Variants in CACNB2 observed in about 807,000 individuals in gnomAD.
CACNB2 encodes voltage-dependent L-type calcium channel subunit beta-2.
A neutral mutation model predicts 73.3 loss-of-function variants in CACNB2; 42 were observed. That is an observed-to-expected ratio of 0.57 (90% CI 0.45 to 0.74). The LOEUF (loss-of-function observed/expected upper bound fraction) is 0.74, where lower values mean the gene tolerates loss of function less well. CACNB2 is among the 30% of genes least tolerant of loss of function. CACNB2 has a pLI of 0.00. For missense variants in CACNB2, 940 were observed against 853.0 expected, an observed-to-expected ratio of 1.10 and a Z score of -1.27; for synonymous variants, 348 against 310.3, an observed-to-expected ratio of 1.12 and a Z score of -1.28.
chr10:18,381,314 A>G (rs1225282312), intron 2 of CACNB2, among the ~76,000 whole-genome samples: 7 of 151,768 alleles, frequency 4.6e-5, no homozygotes, highest in Admixed American at 6.6e-5. Flanking sequence ...CATTACTGGT[A>G]TATAAATTGG....
chr10:18,467,726 C>T (rs2047972115), intron 3 of CACNB2, among the ~76,000 whole-genome samples: 1 of 152,202 alleles, frequency 6.6e-6, no homozygotes, highest in Admixed American at 6.5e-5. Context: ...TGGGTCCTCC[C>T]TTGGGAACTT....
At chr10:18,344,568 C>T (rs1458251386) in intron 2 of CACNB2, among the ~76,000 whole-genome samples, 1 of 151,998 alleles carries the variant, frequency 6.6e-6, no homozygotes, top group East Asian at 1.9e-4. Context: ...GACGGGGTTT[C>T]ACCATGTTGG....
At chr10:18,262,213 CT>C (rs1404891308) in intron 2 of CACNB2, among the ~76,000 whole-genome samples, 1 of 147,054 alleles carries the variant, frequency 6.8e-6, no homozygotes, top group Non-Finnish European at 1.5e-5. Context: ...AACCCGTGAC[CT>C]TGGAAAATTG....
chr10:18,521,048 G>T lies in CACNB2; in HGVS notation c.944+2080G>T, dbSNP rs117784607. ...GTGCCTGGAGCAGTACTCAACATGA[G>T]CAGTGGCCAGATGAATTTTGAATGA... On this transcript the variant is annotated intron_variant, in intron 9 of 13. Transcript: ENST00000324631. 3.4e-3 allele frequency among the ~76,000 whole-genome samples: 523 copies of T among 152,296 alleles called. 1 individual carries two copies. The highest frequency in any genetic ancestry group is 6.8e-3 in the Middle Eastern group (2 of 294).
intron 3 of CACNB2, among the ~76,000 whole-genome samples, chr10:18,432,450 CTGTGTGTGTGTG>C (rs57188373): frequency 2.0e-5 from 3 of 150,518 alleles, no homozygotes; most frequent in Non-Finnish European, 4.4e-5. Context: ...GTGTGTGTCT[CTGTGTGTGTGTG>C]TGTGTGTGTG....
intron 3 of CACNB2, among the ~76,000 whole-genome samples, chr10:18,485,297 G>A (rs1346810526): frequency 1.3e-5 from 2 of 152,068 alleles, no homozygotes; most frequent in Non-Finnish European, 2.9e-5. Flanking sequence ...AATCAGACAA[G>A]GATAACTAGA....
intron 2 of CACNB2, among the ~76,000 whole-genome samples, chr10:18,250,779 A>G (rs2037057900): frequency 6.6e-6 from 1 of 152,150 alleles, no homozygotes; most frequent in Admixed American, 6.5e-5. Context: ...TTAAGCCCTC[A>G]TCCAGTTATC....
At chr10:18,172,091 A>T (rs1376663359) in intron 2 of CACNB2, among the ~76,000 whole-genome samples, 2 of 152,196 alleles carry the variant, frequency 1.3e-5, no homozygotes, top group Non-Finnish European at 2.9e-5. Flanking sequence ...GGTGGGGCAC[A>T]GTGTCCCAGG....
At chr10:18,225,632 T>C (rs1779209) in intron 2 of CACNB2, among the ~76,000 whole-genome samples, 82,239 of 148,722 alleles carry the variant, frequency 0.55, 25,863 homozygotes, top group Non-Finnish European at 0.71. Context: ...TTCCTTCCTT[T>C]CTTTCTTTTC....
intron 6 of CACNB2, among the ~76,000 whole-genome samples, chr10:18,508,974 C>T (rs2050626529): frequency 6.6e-6 from 1 of 152,118 alleles, no homozygotes; most frequent in Admixed American, 6.6e-5. Flanking sequence ...AGTAAAGTTC[C>T]ATGAAGAGTG....
At chr10:18,444,014 C>G (rs939143926) in intron 3 of CACNB2, among the ~76,000 whole-genome samples, 2 of 152,210 alleles carry the variant, frequency 1.3e-5, no homozygotes, top group African/African-American at 4.8e-5. Flanking sequence ...CACACCCAGC[C>G]ACGCCCTTTC....
At position 18,450,914 on chromosome 10, in the gene CACNB2, G is replaced by A. The variant is rs2046991960; in HGVS notation, c.334-47441G>A. On this transcript the variant is annotated intron_variant, in intron 3 of 13. Coordinates refer to ENST00000324631, the MANE Select transcript of CACNB2 (RefSeq NM_201596.3). ...GGCCTCCCAAAGTGTTGGGATTACA[G>A]GCATGAGCCACCACGCCCAGCCCCG... Among the ~76,000 whole-genome samples, 3 of 152,168 alleles carry A rather than the reference G, an allele frequency of 2.0e-5. No individual in the cohort carries two copies. The South Asian group carries it at 6.2e-4, about 31-fold the overall frequency.
At chr10:18,360,444 T>G in intron 2 of CACNB2, among the ~76,000 whole-genome samples, 1 of 152,134 alleles carries the variant, frequency 6.6e-6, no homozygotes, top group East Asian at 1.9e-4. Flanking sequence ...GGGCTGATCT[T>G]AAATCCTGGC....
intron 13 of CACNB2, 91 bp downstream of exon 13, chr10:18,538,456 C>G: frequency 1.8e-6 from 2 of 1,112,320 alleles, no homozygotes; most frequent in Non-Finnish European, 2.7e-6. Flanking sequence ...AGCCCAGTAG[C>G]CTGCTTGGGG....
At chr10:18,449,126 T>C (rs375791085) in intron 3 of CACNB2, among the ~76,000 whole-genome samples, 10 of 152,340 alleles carry the variant, frequency 6.6e-5, no homozygotes, top group African/African-American at 2.4e-4. Context: ...GGCTCACGCC[T>C]GTAATCCCAG....
At chr10:18,434,158 A>G (rs1403316229) in intron 3 of CACNB2, among the ~76,000 whole-genome samples, 2 of 152,216 alleles carry the variant, frequency 1.3e-5, no homozygotes, top group Admixed American at 6.5e-5. Flanking sequence ...CTAATTCGTT[A>G]TAGGAGTGGG....
chr10:18,506,536 C>T lies in CACNB2; in HGVS notation c.659C>T (p.Pro220Leu), dbSNP rs1284954641. ...GTACCTAGTTCCAGAAAATCAACAC[C>T]TCCATCATCTGGTAAGTAGGTGATA... ...DIVPSSRKST[P>L]PSSAIDIDAT... is the part of the protein sequence containing the mutation. Residue 220 changes from proline (P) to leucine (L), a missense_variant, in exon 6 of 14, where the codon CCT becomes CTT. Coordinates refer to ENST00000324631, the MANE Select transcript of CACNB2 (RefSeq NM_201596.3). 1 of 1,588,460 alleles carries T rather than the reference C, an allele frequency of 6.3e-7. No individual in the cohort carries two copies. Among genetic ancestry groups the T allele is most frequent in the Non-Finnish European group, 8.6e-7 (1 of 1,156,826 alleles).
intron 5 of CACNB2, among the ~76,000 whole-genome samples, chr10:18,503,515 C>T (rs2050321350): frequency 6.6e-6 from 1 of 152,124 alleles, no homozygotes; most frequent in South Asian, 2.1e-4. Context: ...AGAATCACTT[C>T]AACTTGGAAG....
At chr10:18,393,242 T>A (rs1227689402) in intron 2 of CACNB2, among the ~76,000 whole-genome samples, 3 of 151,736 alleles carry the variant, frequency 2.0e-5, no homozygotes, top group Non-Finnish European at 4.4e-5. Context: ...AGTAGATATA[T>A]ATTAAAGGCC....
Sources: allele counts gnomAD v4.1 joint callset (sites outside exome capture counted in the v4.1 genomes callset), GRCh38; gene constraint gnomAD v4.1.1; transcripts MANE v1.5; gene names NCBI Gene and HGNC (gene_info 2026-07-23, HGNC 2026-07-21).